Variants in TRA2B observed in about 807,000 individuals in gnomAD.
The protein encoded by TRA2B is transformer-2 protein homolog beta.
In TRA2B, 14 loss-of-function variants were observed where a neutral mutation model predicts 41.7. That is an observed-to-expected ratio of 0.34 (90% confidence interval 0.22 to 0.53). TRA2B has a LOEUF of 0.53. Ranked by LOEUF, TRA2B falls within the 20% of genes least tolerant of loss-of-function variation. The probability of loss-of-function intolerance (pLI) is 0.95; values close to 1 mark genes in which losing one functional copy is unlikely to be tolerated. For synonymous variants in TRA2B, 130 were observed against 128.8 expected, an observed-to-expected ratio of 1.01 and a Z score of -0.06; for missense variants, 167 against 396.8, an observed-to-expected ratio of 0.42 and a Z score of 4.92.
chr3:185,930,488 C>A (rs1262768803), intron 1 of TRA2B, among the ~76,000 whole-genome samples: 1 of 152,122 alleles, frequency 6.6e-6, no homozygotes, highest in Non-Finnish European at 1.5e-5. Context: ...GTCACTTTCT[C>A]CAAGAGCATG....
intron 1 of TRA2B, chr3:185,927,629 T>G (rs565210922): frequency 6.6e-6 from 1 of 152,306 alleles, no homozygotes; most frequent in African/African-American, 2.4e-5. Context: ...AGGTAAACAT[T>G]GTGTACTCAT....
chr3:185,921,033 A>G, intron 6 of TRA2B, 71 bp downstream of exon 6: 1 of 1,353,786 alleles, frequency 7.4e-7, no homozygotes, highest in South Asian at 1.3e-5. Context: ...CAAAGGCTAA[A>G]ACTTAAGCAT....
intron 1 of TRA2B, chr3:185,931,732 T>C: frequency 6.9e-7 from 1 of 1,455,458 alleles, no homozygotes; most frequent in Non-Finnish European, 9.0e-7. Flanking sequence ...GGTCTGATAA[T>C]TAGCATGCAT....
intron 1 of TRA2B, chr3:185,934,927 ATCTGGTC>A: frequency 1.0e-6 from 1 of 985,434 alleles, no homozygotes; most frequent in Non-Finnish European, 1.2e-6. Context: ...TTTCTTTAAC[ATCTGGTC>A]CATACATCAG....
At chr3:185,937,215 A>G (rs1378993089) in intron 1 of TRA2B, 1 of 985,686 alleles carries the variant, frequency 1.0e-6, no homozygotes, top group Non-Finnish European at 1.2e-6. Flanking sequence ...CCCAGAACTT[A>G]GTCGGCCTTG....
rs545651710 is a variant in TRA2B, at chr3:185,922,240, T to C, written c.523-114A>G. On this transcript the variant is annotated intron_variant, in intron 4 of 8. Transcript: ENST00000453386. ...AGTTAGGTGCATTAAGTTATCTTAATGTTAGCCAGAACGTAAGGTCTACAA... is the reference window on the plus strand; with the variant it reads ...AGTTAGGTGCATTAAGTTATCTTAACGTTAGCCAGAACGTAAGGTCTACAA... The C allele has an allele frequency of 4.2e-5, 27 of 637,792 alleles. No homozygotes were observed. The South Asian group carries it at 5.1e-4, about 12-fold the overall frequency. The allele number at this position is 637,792 out of a possible 1,614,324, so 39.5% of individuals were successfully genotyped here. A position where few individuals can be genotyped will look rare whatever the true frequency, so the allele number is the denominator to read the frequency against.
chr3:185,915,181 A>C lies in TRA2B; in HGVS notation c.*2534T>G, dbSNP rs1743459459. Among the ~76,000 whole-genome samples the C allele has an allele frequency of 6.6e-6, 1 of 152,128 alleles. No homozygotes were observed. Among genetic ancestry groups the C allele is most frequent in the Non-Finnish European group, 1.5e-5 (1 of 68,018 alleles). ...GGAAACCCCTGCTCCCAGGTCTACA[A>C]ATCTTTTGACACAGCCTTATTTCCA... On this transcript the variant is annotated 3_prime_UTR_variant, in exon 9 of 9. Coordinates refer to ENST00000453386, the MANE Select transcript of TRA2B (RefSeq NM_004593.3).
chr3:185,937,795 A>T lies in TRA2B; in HGVS notation c.36+30T>A, dbSNP rs764683116. Reference sequence around the variant, plus strand: ...AAAAGATGCAAGGAGCTAGGACCACACAGCCACCCCCTACCGCAGCTCTAC... The same window carrying T: ...AAAAGATGCAAGGAGCTAGGACCACTCAGCCACCCCCTACCGCAGCTCTAC... On this transcript the variant is annotated intron_variant, in intron 1 of 8. Transcript: ENST00000453386. 3 of 1,614,058 alleles carry T rather than the reference A, an allele frequency of 1.9e-6. No individual in the cohort carries two copies. The South Asian group carries it at 3.3e-5, about 18-fold the overall frequency.
intron 1 of TRA2B, chr3:185,937,027 T>C: frequency 1.0e-6 from 1 of 985,398 alleles, no homozygotes; most frequent in African/African-American, 1.7e-5. Context: ...GCCCGCCAAT[T>C]TCTCCTTCAC....
In TRA2B at chr3:185,936,948, C is replaced by G. The variant is rs1744384437; in HGVS notation, c.36+877G>C. 9.1e-6 allele frequency: 9 copies of G among 985,238 alleles called. No individual in the cohort carries two copies. In the South Asian group the frequency reaches 4.2e-4, roughly 46 times the overall value. The allele number at this position is 985,238 out of a possible 1,614,324, so 61.0% of individuals were successfully genotyped here. A position where few individuals can be genotyped will look rare whatever the true frequency, so the allele number is the denominator to read the frequency against. ...AACTTAAGGGAAAGAAAACTGTAGC[C>G]AACACACGCTGTGGTTCTAAGTATT... On this transcript the variant is annotated intron_variant, in intron 1 of 8. Transcript: ENST00000453386.
chr3:185,918,422 G>A lies in TRA2B; in HGVS notation c.799C>T (p.Pro267Ser). The A allele has an allele frequency of 6.2e-7, 1 of 1,613,506 alleles. No homozygotes were observed. Among genetic ancestry groups the A allele is most frequent in the Non-Finnish European group, 8.5e-7 (1 of 1,179,644 alleles). The change falls in exon 8 of 9, where the codon CCT becomes TCT. Residue 267 changes from proline (P) to serine (S), a missense_variant. Physicochemically the swap from Pro to Ser is moderately conservative, Grantham distance 74. This residue lies in a region of TRA2B where 30 missense variants were observed against 46.7 expected (regional missense o/e 0.64). Transcript: ENST00000453386. ...DQIYRRRSPSPYYSRGGYRSR... is the reference protein window; with the variant it reads ...DQIYRRRSPSSYYSRGGYRSR... ...CTGTATCCTCCACGACTATAGTAAG[G>A]AGAAGGTGACCGCCTTCTATAAACA...
intron 1 of TRA2B, chr3:185,936,595 T>C: frequency 1.0e-6 from 1 of 985,232 alleles, no homozygotes; most frequent in Non-Finnish European, 1.2e-6. Context: ...GCTAAGACAT[T>C]TAATAGTCTT....
chr3:185,923,467 A>G (rs1217096843), intron 4 of TRA2B: 1 of 180,092 alleles, frequency 5.6e-6, no homozygotes, highest in Non-Finnish European at 1.1e-5. Flanking sequence ...AAAAAGGAAC[A>G]ATGTTTTCCT....
At chr3:185,935,927 G>C (rs1183373319) in intron 1 of TRA2B, 1 of 985,262 alleles carries the variant, frequency 1.0e-6, no homozygotes, top group African/African-American at 1.7e-5. Context: ...AACACATTAA[G>C]TTAACCTCCC....
rs1040402595 is a variant in TRA2B at position 185,915,104 on chromosome 3, T to C, written c.*2611A>G. ...TAGGATTCCTGCTATGAAAATCTGC[T>C]GTTGCTGATCTGACAGGCGGCGGAG... On this transcript the variant is annotated 3_prime_UTR_variant, in exon 9 of 9. Coordinates refer to ENST00000453386, the MANE Select transcript of TRA2B (RefSeq NM_004593.3). Among the ~76,000 whole-genome samples, 1 of 152,208 alleles carries C rather than the reference T, an allele frequency of 6.6e-6. No homozygotes were observed. The highest frequency in any genetic ancestry group is 1.5e-5 in the Non-Finnish European group (1 of 68,038).
chr3:185,925,230 G>C (rs1490426020), intron 3 of TRA2B: 2 of 318,702 alleles, frequency 6.3e-6, no homozygotes, highest in South Asian at 4.9e-5. Flanking sequence ...TTTTTTTTTT[G>C]ATGGGCTAAG....
chr3:185,918,305 C>G, intron 8 of TRA2B, 60 bp downstream of exon 8: 5 of 1,217,180 alleles, frequency 4.1e-6, no homozygotes, highest in Non-Finnish European at 6.0e-6. Context: ...AAAGGGAATA[C>G]ACTGTCATCA....
chr3:185,922,959 G>C (rs568466948), intron 4 of TRA2B: 1 of 152,136 alleles, frequency 6.6e-6, no homozygotes, highest in Non-Finnish European at 1.5e-5. Flanking sequence ...TTTTCCGAGA[G>C]CTATGATCCT....
Position 185,914,700 on chromosome 3 carries a change from A to G in TRA2B, c.*3015T>C, listed in dbSNP as rs1417522672. Among the ~76,000 whole-genome samples, 1 of 152,186 alleles carries G rather than the reference A, an allele frequency of 6.6e-6. No homozygotes were observed. The highest frequency in any genetic ancestry group is 1.5e-5 in the Non-Finnish European group (1 of 68,030). The stretch of plus-strand genomic sequence containing the variant: ...TTGGCATAAGCTAGCATTAAGTCCA[A>G]TCCTACAAGAGCCAATCAAAATCCA... On this transcript the variant is annotated 3_prime_UTR_variant, in exon 9 of 9. Coordinates refer to ENST00000453386, the MANE Select transcript of TRA2B (RefSeq NM_004593.3).
Sources: allele counts gnomAD v4.1 joint callset (sites outside exome capture counted in the v4.1 genomes callset), GRCh38; gene constraint gnomAD v4.1.1; regional missense constraint gnomAD v4.1.1; transcripts MANE v1.5; gene names NCBI Gene and HGNC (gene_info 2026-07-23, HGNC 2026-07-21).